The following SNX29 variants were observed in gnomAD, a reference collection of about 807,000 sequenced individuals.
SNX29 encodes the protein sorting nexin 29.
A neutral mutation model predicts 102.1 loss-of-function variants in SNX29; 78 were observed. The observed-to-expected ratio is 0.76, with a 90% CI of 0.64 to 0.92. The LOEUF (loss-of-function observed/expected upper bound fraction) is 0.92. SNX29 is among the 40% of genes least tolerant of loss of function. SNX29 has a pLI of 0.00. For synonymous variants in SNX29, 580 were observed against 414.5 expected (o/e 1.40, Z -4.85); for missense variants, 1,280 against 1,061.7 (o/e 1.21, Z -2.86).
chr16:12,546,088 A>C (rs1212390509), intron 20 of SNX29, among the ~76,000 whole-genome samples: 1 of 152,154 alleles, frequency 6.6e-6, no homozygotes, highest in Admixed American at 6.5e-5. Context: ...CCAGTCTCTC[A>C]CTTCACTGTG....
intron 20 of SNX29, among the ~76,000 whole-genome samples, chr16:12,568,061 G>T (rs141651935): frequency 2.6e-5 from 4 of 152,080 alleles, no homozygotes; most frequent in Non-Finnish European, 4.4e-5. Flanking sequence ...TATTTTCTTA[G>T]GATTAATTCC....
chr16:12,284,829 A>T (rs1174921357), intron 15 of SNX29, among the ~76,000 whole-genome samples: 1 of 151,864 alleles, frequency 6.6e-6, no homozygotes, highest in African/African-American at 2.4e-5. Flanking sequence ...GGTTCAAGCA[A>T]TTCTCCTGCC....
intron 20 of SNX29, among the ~76,000 whole-genome samples, chr16:12,538,383 C>A (rs1019215738): frequency 2.6e-5 from 4 of 152,148 alleles, no homozygotes; most frequent in East Asian, 3.8e-4. Flanking sequence ...AGCCACCGCG[C>A]CCGGCCTCCC....
intron 18 of SNX29, among the ~76,000 whole-genome samples, chr16:12,445,903 C>T (rs552006161): frequency 1.3e-5 from 2 of 152,288 alleles, no homozygotes; most frequent in African/African-American, 4.8e-5. Flanking sequence ...AAGCCACTTC[C>T]CCAAGGACAC....
Position 12,568,746 on chromosome 16 carries a change from G to C in SNX29, c.*117G>C. ...CCACGTCCACCTGGTGATCCTGAGA[G>C]CACACGATTCCCAACAGTTACACAA... On this transcript the variant is annotated 3_prime_UTR_variant, in exon 21 of 21. Transcript: ENST00000566228. 2 of 1,424,540 alleles carry C rather than the reference G, an allele frequency of 1.4e-6. No individual in the cohort carries two copies. The highest frequency in any genetic ancestry group is 2.4e-5 in the East Asian group (1 of 40,886). 88.2% of individuals were successfully genotyped at this position (1,424,540 alleles called of 1,614,324 possible).
At chr16:12,493,442 C>A (rs1009989010) in intron 19 of SNX29, among the ~76,000 whole-genome samples, 1 of 152,158 alleles carries the variant, frequency 6.6e-6, no homozygotes, top group Admixed American at 6.6e-5. Context: ...TGGGCTGAGA[C>A]GATGGGGTTT....
intron 19 of SNX29, among the ~76,000 whole-genome samples, chr16:12,478,635 G>T (rs1597533685): frequency 6.6e-6 from 1 of 152,188 alleles, no homozygotes; most frequent in African/African-American, 2.4e-5. Context: ...TCTAGACCGG[G>T]CTTGGAGCCC....
intron 15 of SNX29, among the ~76,000 whole-genome samples, chr16:12,316,190 G>A (rs1029855043): frequency 1.3e-5 from 2 of 152,214 alleles, no homozygotes; most frequent in Non-Finnish European, 2.9e-5. Context: ...GGGACTGGCT[G>A]TAGCCAGTGG....
intron 11 of SNX29, chr16:12,087,563 C>T (rs898607320): frequency 6.0e-6 from 2 of 331,732 alleles, no homozygotes; most frequent in Non-Finnish European, 1.2e-5. Context: ...TGACACTGTA[C>T]CCCAGCCTGG....
chr16:12,126,657 CCA>C lies in SNX29; in HGVS notation c.1428_1429del (p.Met477AspfsTer6). 1 of 1,613,958 alleles carries C rather than the reference CCA, an allele frequency of 6.2e-7. No individual in the cohort carries two copies. The highest frequency in any genetic ancestry group is 8.5e-7 in the Non-Finnish European group (1 of 1,179,878). The stretch of plus-strand genomic sequence containing the variant: ...GGTGAACTGCGCCAGGCCACTGTGG[CCA>C]TGATGAACAGGAAGGATGAGCTGGA... On this transcript the variant is annotated frameshift_variant, in exon 12 of 21. Coordinates refer to ENST00000566228, the MANE Select transcript of SNX29 (RefSeq NM_032167.5). LOFTEE classifies it high-confidence loss of function.
At position 12,366,647 on chromosome 16, in the gene SNX29, T is replaced by C. The variant is rs564462749; in HGVS notation, c.1899+10368T>C. Among the ~76,000 whole-genome samples, 10 of 152,318 alleles carry C rather than the reference T, an allele frequency of 6.6e-5. No homozygotes were observed. In the East Asian group the frequency reaches 1.2e-3, roughly 18 times the overall value. Reference sequence around the variant, plus strand: ...AACAGCACTGCCTTTCCCAGGAACTTTGGGCCTCTGCCACCTGGGCTGTCT... The same window carrying C: ...AACAGCACTGCCTTTCCCAGGAACTCTGGGCCTCTGCCACCTGGGCTGTCT... On this transcript the variant is annotated intron_variant, in intron 16 of 20. Coordinates refer to ENST00000566228, the MANE Select transcript of SNX29 (RefSeq NM_032167.5).
intron 19 of SNX29, among the ~76,000 whole-genome samples, chr16:12,504,334 C>G (rs938227784): frequency 2.0e-5 from 3 of 152,112 alleles, no homozygotes; most frequent in Admixed American, 1.3e-4. Flanking sequence ...GCAGTTATCA[C>G]TAGGAGCAAT....
chr16:12,403,461 C>G lies in SNX29; in HGVS notation c.1969C>G (p.Leu657Val), dbSNP rs781516760. The G allele has an allele frequency of 2.5e-6, 4 of 1,608,424 alleles. No individual in the cohort carries two copies. Among genetic ancestry groups the G allele is most frequent in the Non-Finnish European group, 3.4e-6 (4 of 1,177,352 alleles). ...LSDFEISNRA[L>V]INVWIPSVFL... Reference sequence around the variant, plus strand: ...CCTTTTGGTTAGATCAAACCGGGCGCTGATCAACGTCTGGATCCCCTCAGT... The same window carrying G: ...CCTTTTGGTTAGATCAAACCGGGCGGTGATCAACGTCTGGATCCCCTCAGT... The change falls in exon 18 of 21, where the codon CTG (leucine) becomes GTG (valine). Residue 657 changes from leucine (L) to valine (V), a missense_variant. By Grantham distance (32) the Leu-to-Val change is conservative. Transcript: ENST00000566228.
At chr16:12,163,986 A>G (rs1423439951) in intron 13 of SNX29, among the ~76,000 whole-genome samples, 1 of 152,224 alleles carries the variant, frequency 6.6e-6, no homozygotes, top group Non-Finnish European at 1.5e-5. Flanking sequence ...TCAAGAAGAC[A>G]GTACAAGATG....
intron 20 of SNX29, chr16:12,556,620 A>C (rs139867086): frequency 0.02 from 3,024 of 152,478 alleles, 43 homozygotes; most frequent in South Asian, 0.033. Flanking sequence ...GGTCAAGGCA[A>C]GAAGGGACGG....
chr16:12,350,124 G>A (rs2081953001), intron 15 of SNX29, among the ~76,000 whole-genome samples: 2 of 152,092 alleles, frequency 1.3e-5, no homozygotes, highest in Admixed American at 1.3e-4. Flanking sequence ...CACTTGCCGT[G>A]TGTGTGTGGC....
At chr16:12,247,442 G>A (rs887730790) in intron 14 of SNX29, among the ~76,000 whole-genome samples, 1 of 152,070 alleles carries the variant, frequency 6.6e-6, no homozygotes, top group African/African-American at 2.4e-5. Context: ...TCATTCTATG[G>A]GTAAAAATAA....
intron 20 of SNX29, 124 bp from the exon 21 acceptor site, chr16:12,568,382 C>T (rs1430824452): frequency 5.4e-6 from 7 of 1,288,016 alleles, no homozygotes; most frequent in Admixed American, 2.1e-5. Context: ...AGAGGCAGAT[C>T]CAATGAGCCA....
chr16:12,560,771 C>G (rs888086078), intron 20 of SNX29: 9 of 175,012 alleles, frequency 5.1e-5, no homozygotes, highest in South Asian at 4.0e-4. Flanking sequence ...GATTTACCCT[C>G]TGTGCTTTAT....
Sources: gnomAD v4.1 joint callset for allele counts (sites outside exome capture counted in the v4.1 genomes callset) on GRCh38, gnomAD v4.1.1 for gene constraint, MANE v1.5 for transcripts, NCBI Gene and HGNC (gene_info 2026-07-23, HGNC 2026-07-21) for gene names.